The following ATP10A variants were observed in gnomAD, a reference collection of about 807,000 sequenced individuals.
The protein encoded by ATP10A is ATPase phospholipid transporting 10A (putative), also known as phospholipid-transporting ATPase VA.
Under a neutral mutation model 147.8 loss-of-function variants are expected in ATP10A, and 111 were observed. The observed-to-expected ratio is 0.75, with a 90% CI of 0.64 to 0.88. The LOEUF is 0.88. ATP10A is among the 40% of genes least tolerant of loss of function. The pLI, the probability that ATP10A is intolerant of heterozygous loss-of-function variation, is 0.00. For synonymous variants in ATP10A, 875 were observed against 841.6 expected, an observed-to-expected ratio of 1.04 and a Z score of -0.69; for missense variants, 1,927 against 1,959.0, an observed-to-expected ratio of 0.98 and a Z score of 0.31.
chr15:25,672,389 T>C (rs140202857), downstream of ATP10A, among the ~76,000 whole-genome samples: 120 of 152,360 alleles, frequency 7.9e-4, 2 homozygotes, highest in East Asian at 0.021. Flanking sequence ...CATTCATCTG[T>C]CGGCCGACAT....
At chr15:25,850,446 G>C (rs1484119752) in intron 1 of ATP10A, among the ~76,000 whole-genome samples, 1 of 152,134 alleles carries the variant, frequency 6.6e-6, no homozygotes, top group East Asian at 1.9e-4. Context: ...AGAGGCCCCG[G>C]CTGTGTCTGG....
intron 1 of ATP10A, among the ~76,000 whole-genome samples, chr15:25,850,327 A>G (rs1403365858): frequency 6.6e-6 from 1 of 152,138 alleles, no homozygotes; most frequent in African/African-American, 2.4e-5. Flanking sequence ...TTCTGAGTCA[A>G]CCATGCTCCT....
chr15:25,786,084 G>A (rs1480952299), intron 1 of ATP10A, among the ~76,000 whole-genome samples: 2 of 152,270 alleles, frequency 1.3e-5, no homozygotes, highest in Non-Finnish European at 2.9e-5. Context: ...GTGGGGAGAA[G>A]GAGAGCTGAG....
chr15:25,822,899 T>G (rs1269592257), intron 1 of ATP10A, among the ~76,000 whole-genome samples: 1 of 152,190 alleles, frequency 6.6e-6, no homozygotes, highest in African/African-American at 2.4e-5. Context: ...CTATGTAATA[T>G]TTTTTCTTAG....
chr15:25,790,808 A>AT (rs1405663433), intron 1 of ATP10A, among the ~76,000 whole-genome samples: 3 of 152,172 alleles, frequency 2.0e-5, no homozygotes, highest in Non-Finnish European at 4.4e-5. Context: ...AGACATCTCA[A>AT]TAATACTGCC....
intron 1 of ATP10A, among the ~76,000 whole-genome samples, chr15:25,814,097 T>C (rs11629594): frequency 0.21 from 31,616 of 151,960 alleles, 3,565 homozygotes; most frequent in Middle Eastern, 0.31. Flanking sequence ...CATATTCAAA[T>C]TGCTTAAAAT....
chr15:25,782,000 G>A (rs949380798), intron 1 of ATP10A, among the ~76,000 whole-genome samples: 2 of 152,196 alleles, frequency 1.3e-5, no homozygotes, highest in South Asian at 4.1e-4. Context: ...AACAGGTATA[G>A]CAAGCCAATG....
At chr15:25,773,852 A>G (rs1254510446) in intron 2 of ATP10A, among the ~76,000 whole-genome samples, 1 of 147,478 alleles carries the variant, frequency 6.8e-6, no homozygotes, top group Non-Finnish European at 1.5e-5. Flanking sequence ...ACACACACAC[A>G]TATTCACTCA....
At chr15:25,776,763 A>T (rs1807568474) in intron 2 of ATP10A, among the ~76,000 whole-genome samples, 1 of 152,180 alleles carries the variant, frequency 6.6e-6, no homozygotes, top group African/African-American at 2.4e-5. Flanking sequence ...TTTTTGTTGT[A>T]GCCCCTCAAC....
chr15:25,714,741 C>T (rs1033162075), intron 9 of ATP10A, among the ~76,000 whole-genome samples: 8 of 152,048 alleles, frequency 5.3e-5, no homozygotes, highest in African/African-American at 1.9e-4. Context: ...CTCACCATTG[C>T]CTGGCACAAA....
At chr15:25,846,229 C>G (rs991926339) in intron 1 of ATP10A, among the ~76,000 whole-genome samples, 2 of 152,000 alleles carry the variant, frequency 1.3e-5, no homozygotes, top group Admixed American at 1.3e-4. Context: ...GAGAGGAGGG[C>G]GGCGGTGATG....
chr15:25,750,988 C>T (rs1888128020), intron 2 of ATP10A, among the ~76,000 whole-genome samples: 1 of 151,952 alleles, frequency 6.6e-6, no homozygotes, highest in African/African-American at 2.4e-5. Flanking sequence ...TAAATCTAAC[C>T]ATGTCATTAA....
At chr15:25,729,140 CA>C (rs1168497433) in intron 3 of ATP10A, among the ~76,000 whole-genome samples, 6 of 152,194 alleles carry the variant, frequency 3.9e-5, no homozygotes, top group African/African-American at 1.4e-4. Context: ...CCCAGGACTG[CA>C]GAATATGGCT....
rs771969486 is a variant in ATP10A at position 25,862,894 on chromosome 15, T to G, written c.203A>C (p.Lys68Thr). 1 of 1,611,596 alleles carries G rather than the reference T, an allele frequency of 6.2e-7. No homozygotes were observed. The highest frequency in any genetic ancestry group is 1.7e-5 in the Admixed American group (1 of 59,924). The stretch of plus-strand genomic sequence containing the variant: ...GGGCAGGAAGGACAGCAGCGTGTAC[T>G]TGGTAGTCTTGAGCCGGTTGTCGGC... ...HLADNRLKTT[K>T]YTLLSFLPKN... The change falls in exon 1 of 21, where the codon AAG becomes ACG. Residue 68 changes from lysine (K) to threonine (T), a missense_variant. Lys to Thr is a moderately conservative substitution (Grantham distance 78). Transcript: ENST00000555815.
At chr15:25,700,312 A>T (rs1310696801) in intron 13 of ATP10A, among the ~76,000 whole-genome samples, 4 of 152,236 alleles carry the variant, frequency 2.6e-5, no homozygotes, top group Non-Finnish European at 5.9e-5. Flanking sequence ...CTTCTTATAA[A>T]CTTAGACACA....
At chr15:25,741,431 C>T (rs1887579071) in intron 2 of ATP10A, among the ~76,000 whole-genome samples, 1 of 152,128 alleles carries the variant, frequency 6.6e-6, no homozygotes, top group Non-Finnish European at 1.5e-5. Context: ...GCTCTTTTCC[C>T]CTGGCAGCAA....
At chr15:25,786,677 G>A (rs1008392305) in intron 1 of ATP10A, among the ~76,000 whole-genome samples, 7 of 135,080 alleles carry the variant, frequency 5.2e-5, no homozygotes, top group Non-Finnish European at 9.1e-5. Context: ...TCAGGCTGGA[G>A]TGCAGTGGCG....
intron 2 of ATP10A, among the ~76,000 whole-genome samples, chr15:25,751,517 C>T (rs1888156451): frequency 6.6e-6 from 1 of 152,040 alleles, no homozygotes; most frequent in African/African-American, 2.4e-5. Context: ...ATTTTAGGTC[C>T]TAAAAGAAGT....
At position 25,779,845 on chromosome 15, in the gene ATP10A, A is replaced by AACACACACACACACAC. The variant is rs56111172; in HGVS notation, c.654+1158_654+1173dup. On this transcript the variant is annotated intron_variant, in intron 2 of 20. Coordinates refer to ENST00000555815, the MANE Select transcript of ATP10A (RefSeq NM_024490.4). ...TACACTTGGCATAAAAGAAGGTTAA[A>AACACACACACACACAC]ACACACACACACACACACACACACA... Among the ~76,000 whole-genome samples the AACACACACACACACAC allele has an allele frequency of 5.1e-3, 752 of 147,360 alleles. 10 individuals carry two copies. The highest frequency in any genetic ancestry group is 0.016 in the East Asian group (80 of 4,964).
Sources: gnomAD v4.1 joint callset for allele counts (sites outside exome capture counted in the v4.1 genomes callset) on GRCh38, gnomAD v4.1.1 for gene constraint, MANE v1.5 for transcripts, NCBI Gene and HGNC (gene_info 2026-07-23, HGNC 2026-07-21) for gene names.